WARS2: variants seen among roughly 807,000 people sequenced by gnomAD.
The protein encoded by WARS2 is tryptophan--tRNA ligase, mitochondrial.
Under a neutral mutation model 36.5 loss-of-function variants are expected in WARS2, and 28 were observed. That is an observed-to-expected ratio of 0.77 (90% CI 0.57 to 1.05). The LOEUF is 1.05. WARS2 is among the 50% of genes least tolerant of loss of function. The pLI, the probability that WARS2 is intolerant of heterozygous loss-of-function variation, is 0.00. For missense variants in WARS2, 435 were observed against 456.8 expected (o/e 0.95, Z 0.44); for synonymous variants, 174 against 178.4 (o/e 0.98, Z 0.20).
At chr1:119,077,227 A>G (rs1324107650) in intron 1 of WARS2, among the ~76,000 whole-genome samples, 2 of 152,142 alleles carry the variant, frequency 1.3e-5, no homozygotes, top group Non-Finnish European at 2.9e-5. Flanking sequence ...AAGTAAAGGT[A>G]TAACATGGTA....
intron 4 of WARS2, among the ~76,000 whole-genome samples, chr1:119,041,133 CGAG>C (rs1557935111): frequency 6.6e-6 from 1 of 152,144 alleles, no homozygotes; most frequent in Non-Finnish European, 1.5e-5. Context: ...AGTCATGCCA[CGAG>C]GTACAGATAC....
chr1:119,106,022 G>T (rs1654210397), intron 1 of WARS2, among the ~76,000 whole-genome samples: 1 of 152,164 alleles, frequency 6.6e-6, no homozygotes, highest in Non-Finnish European at 1.5e-5. Context: ...CACTGTGAAG[G>T]TTACTAAAGA....
chr1:119,085,424 T>C, intron 1 of WARS2: 1 of 1,476,970 alleles, frequency 6.8e-7, no homozygotes, highest in Non-Finnish European at 9.3e-7. Context: ...ATGGTTGCTC[T>C]GCCTGTACCT....
At chr1:119,041,134 G>A (rs762412287) in intron 4 of WARS2, among the ~76,000 whole-genome samples, 2 of 152,174 alleles carry the variant, frequency 1.3e-5, no homozygotes, top group Non-Finnish European at 2.9e-5. Flanking sequence ...GTCATGCCAC[G>A]AGGTACAGAT....
intron 1 of WARS2, among the ~76,000 whole-genome samples, chr1:119,086,370 A>G (rs953093003): frequency 1.3e-5 from 2 of 152,244 alleles, no homozygotes; most frequent in Non-Finnish European, 2.9e-5. Context: ...GGCTATCCAC[A>G]CCAAGTCGTC....
At chr1:119,126,140 A>G (rs1421580069) in intron 1 of WARS2, among the ~76,000 whole-genome samples, 1 of 152,034 alleles carries the variant, frequency 6.6e-6, no homozygotes, top group African/African-American at 2.4e-5. Flanking sequence ...CACTTGGACT[A>G]TGTTCTCCCG....
At chr1:119,107,171 G>C (rs1654295781) in intron 1 of WARS2, among the ~76,000 whole-genome samples, 1 of 152,036 alleles carries the variant, frequency 6.6e-6, no homozygotes, top group African/African-American at 2.4e-5. Flanking sequence ...TTATTATTGA[G>C]TTATAAGAGT....
chr1:119,045,463 T>C, intron 3 of WARS2, 119 bp downstream of exon 3: 1 of 794,762 alleles, frequency 1.3e-6, no homozygotes, highest in Non-Finnish European at 2.1e-6. Context: ...TTAAAGATGA[T>C]GTTCCAACCA....
chr1:119,132,092 T>A (rs1242175494), intron 1 of WARS2, among the ~76,000 whole-genome samples: 1 of 152,106 alleles, frequency 6.6e-6, no homozygotes. Flanking sequence ...TACATAAAAT[T>A]CTTACAATGT....
chr1:119,080,807 C>T (rs771129001), intron 1 of WARS2, among the ~76,000 whole-genome samples: 2 of 152,196 alleles, frequency 1.3e-5, no homozygotes, highest in South Asian at 2.1e-4. Context: ...AGAATGAAAA[C>T]GAAAGGAGCT....
intron 1 of WARS2, among the ~76,000 whole-genome samples, chr1:119,131,755 C>T (rs776749807): frequency 2.0e-5 from 3 of 152,026 alleles, no homozygotes; most frequent in African/African-American, 2.4e-5. Flanking sequence ...GCCACAGCGC[C>T]GGCCCGGACT....
chr1:119,073,544 G>T (rs1279625059), intron 2 of WARS2, among the ~76,000 whole-genome samples: 1 of 152,152 alleles, frequency 6.6e-6, no homozygotes, highest in Non-Finnish European at 1.5e-5. Context: ...CTGAAGTGAG[G>T]GATGGCAGGA....
At chr1:119,080,371 A>G (rs1652092068) in intron 1 of WARS2, among the ~76,000 whole-genome samples, 1 of 152,186 alleles carries the variant, frequency 6.6e-6, no homozygotes, top group Non-Finnish European at 1.5e-5. Flanking sequence ...AGAAAACTAG[A>G]AGAGAAAAGC....
In WARS2 at chr1:119,106,512, C is replaced by T. The variant is rs76243820; in HGVS notation, c.91-29905G>A. Among the ~76,000 whole-genome samples, 508 of 152,292 alleles carry T rather than the reference C, an allele frequency of 3.3e-3. 2 individuals carry two copies. The highest frequency in any genetic ancestry group is 5.9e-3 in the Non-Finnish European group (399 of 68,002). On this transcript the variant is annotated intron_variant, in intron 1 of 5. Transcript: ENST00000235521. ...GCCTGGGTAACCACTAGGCTTTTTA[C>T]TGTCCCCATAATTTTGCCTTTTCTA...
chr1:119,040,610 C>T (rs1648269443), intron 4 of WARS2, among the ~76,000 whole-genome samples: 1 of 152,206 alleles, frequency 6.6e-6, no homozygotes, highest in African/African-American at 2.4e-5. Flanking sequence ...TCACACCTGG[C>T]TAGCCTTTGG....
chr1:119,099,320 A>G (rs1653688897), intron 1 of WARS2, among the ~76,000 whole-genome samples: 1 of 152,210 alleles, frequency 6.6e-6, no homozygotes, highest in Non-Finnish European at 1.5e-5. Flanking sequence ...GGAAAACTGC[A>G]TGGAAATGTG....
At chr1:119,140,515 G>A in intron 1 of WARS2, 40 bp downstream of exon 1, 4 of 1,588,072 alleles carry the variant, frequency 2.5e-6, no homozygotes, top group Non-Finnish European at 3.5e-6. Context: ...AGAACCTCGC[G>A]GGATGGGAAG....
chr1:119,076,471 A>T lies in WARS2; in HGVS notation c.227T>A (p.Leu76His). Residue 76 changes from leucine to histidine, a missense_variant, in exon 2 of 6, where the codon CTC becomes CAC. By Grantham distance (99) the Leu-to-His change is moderately conservative. Coordinates refer to ENST00000235521, the MANE Select transcript of WARS2 (RefSeq NM_015836.4). The part of the protein sequence containing the change: ...YDSVLYSIVD[L>H]HSITVPQDPA... ...GTCTTGGGGGACAGTAATGGAGTGG[A>T]GGTCAACAATGCTGTATAATACAGA... The T allele has an allele frequency of 6.2e-7, 1 of 1,614,164 alleles. No individual in the cohort carries two copies. Among genetic ancestry groups the T allele is most frequent in the South Asian group, 1.1e-5 (1 of 91,080 alleles).
intron 1 of WARS2, among the ~76,000 whole-genome samples, chr1:119,134,027 A>G (rs745405803): frequency 6.6e-6 from 1 of 152,084 alleles, no homozygotes; most frequent in Non-Finnish European, 1.5e-5. Context: ...AAAATGTTTT[A>G]CAAGGTAAAT....
Sources: allele counts gnomAD v4.1 joint callset (sites outside exome capture counted in the v4.1 genomes callset), GRCh38; gene constraint gnomAD v4.1.1; transcripts MANE v1.5; gene names NCBI Gene and HGNC (gene_info 2026-07-23, HGNC 2026-07-21).